PHF21A: variants seen among roughly 807,000 people sequenced by gnomAD.
PHF21A encodes PHD finger protein 21A.
Under a neutral mutation model 82.5 loss-of-function variants are expected in PHF21A, and 11 were observed. That is an observed-to-expected ratio of 0.13 (90% confidence interval 0.08 to 0.22). PHF21A has a LOEUF of 0.22. Among genes scored for constraint, PHF21A ranks in the 10% least tolerant of loss-of-function variants. PHF21A has a pLI of 1.00. For synonymous variants in PHF21A, 297 were observed against 302.8 expected (o/e 0.98, Z 0.20); for missense variants, 579 against 837.8 (o/e 0.69, Z 3.81).
At chr11:45,971,470 C>T (rs2093737477) in intron 7 of PHF21A, 103 bp from the exon 8 acceptor site, 5 of 1,037,534 alleles carry the variant, frequency 4.8e-6, no homozygotes, top group African/African-American at 1.6e-5. Context: ...GAAAACAAAA[C>T]AATAATTCTC....
chr11:46,065,086 T>G (rs748917561), intron 6 of PHF21A, among the ~76,000 whole-genome samples: 1 of 152,192 alleles, frequency 6.6e-6, no homozygotes, highest in Non-Finnish European at 1.5e-5. Flanking sequence ...ATTGTTAACT[T>G]TCTTGAATAT....
chr11:46,019,992 CTT>C (rs368181546), intron 6 of PHF21A, among the ~76,000 whole-genome samples: 1 of 144,494 alleles, frequency 6.9e-6, no homozygotes, highest in Non-Finnish European at 1.5e-5. Context: ...CATTTTGACT[CTT>C]TTTTTTTTTA....
chr11:46,108,675 TAG>T (rs2097178731), intron 1 of PHF21A, among the ~76,000 whole-genome samples: 1 of 151,906 alleles, frequency 6.6e-6, no homozygotes, highest in Non-Finnish European at 1.5e-5. Context: ...TCTATATTGC[TAG>T]AATGACTTTC....
intron 1 of PHF21A, among the ~76,000 whole-genome samples, chr11:46,106,251 A>T (rs1488896714): frequency 6.6e-6 from 1 of 152,174 alleles, no homozygotes; most frequent in East Asian, 1.9e-4. Flanking sequence ...TTCAATGGTC[A>T]TTATTTCTTT....
intron 1 of PHF21A, among the ~76,000 whole-genome samples, chr11:46,101,784 T>C (rs757404448): frequency 2.6e-5 from 4 of 151,492 alleles, no homozygotes; most frequent in Admixed American, 2.6e-4. Context: ...TACAGGCACA[T>C]GCCACCACAC....
chr11:46,084,366 T>A, intron 3 of PHF21A, 64 bp from the exon 4 acceptor site: 2 of 534,428 alleles, frequency 3.7e-6, no homozygotes, highest in South Asian at 6.1e-5. Context: ...TTATGTTAAA[T>A]AAATTATGTT....
At chr11:46,002,835 GA>G (rs1322822400) in intron 6 of PHF21A, among the ~76,000 whole-genome samples, 2 of 149,778 alleles carry the variant, frequency 1.3e-5, no homozygotes, top group African/African-American at 2.4e-5. Flanking sequence ...AATTTGTAAT[GA>G]AAAAAAAAGT....
intron 6 of PHF21A, among the ~76,000 whole-genome samples, chr11:45,998,086 T>G (rs1446329766): frequency 6.6e-6 from 1 of 152,208 alleles, no homozygotes; most frequent in Non-Finnish European, 1.5e-5. Context: ...GGAGAGAGGC[T>G]AAAAAGATTA....
chr11:46,012,508 C>A (rs1020628073), intron 6 of PHF21A, among the ~76,000 whole-genome samples: 1 of 152,204 alleles, frequency 6.6e-6, no homozygotes, highest in African/African-American at 2.4e-5. Flanking sequence ...GCCCTCATCA[C>A]TAGCTATTTG....
At chr11:46,043,391 A>G (rs2096191917) in intron 6 of PHF21A, among the ~76,000 whole-genome samples, 3 of 152,196 alleles carry the variant, frequency 2.0e-5, no homozygotes, top group African/African-American at 7.2e-5. Context: ...ACCTTTATCA[A>G]TACAAGGTTT....
At chr11:45,973,437 C>T (rs1472003551) in intron 7 of PHF21A, among the ~76,000 whole-genome samples, 2 of 152,208 alleles carry the variant, frequency 1.3e-5, no homozygotes, top group East Asian at 1.9e-4. Context: ...TGCGCATATA[C>T]ACATATTATC....
In PHF21A at chr11:45,935,741, TAAAA is replaced by T. The variant is rs35995547; in HGVS notation, c.1685-6_1685-3del. ...ACTTCTGTTTCTCTTCTTCTTTTGC[TAAAA>T]AAAAAAAAAAAAAAAAAAAGGAACG... On this transcript the variant is annotated splice_region_variant and splice_polypyrimidine_tract_variant and intron_variant, in intron 17 of 18. Transcript: ENST00000676320. 0.039 allele frequency: 19,812 copies of T among 510,102 alleles called. No homozygotes were observed. The highest frequency in any genetic ancestry group is 0.045 in the East Asian group (1,276 of 28,518). The allele number at this position is 510,102 out of a possible 1,614,324, so 31.6% of individuals were successfully genotyped here. A position where few individuals can be genotyped will look rare whatever the true frequency, so the allele number is the denominator to read the frequency against.
chr11:46,046,384 C>A (rs1317463877), intron 6 of PHF21A, among the ~76,000 whole-genome samples: 1 of 152,150 alleles, frequency 6.6e-6, no homozygotes, highest in Non-Finnish European at 1.5e-5. Context: ...AATGAGAGAT[C>A]AATATGGCAA....
At chr11:45,988,621 GCT>G (rs1314504239) in intron 6 of PHF21A, among the ~76,000 whole-genome samples, 1 of 152,148 alleles carries the variant, frequency 6.6e-6, no homozygotes, top group African/African-American at 2.4e-5. Flanking sequence ...AGGCGTGGTG[GCT>G]CACCCCTGTA....
intron 6 of PHF21A, among the ~76,000 whole-genome samples, chr11:45,985,741 A>G (rs1471850311): frequency 6.6e-6 from 1 of 152,174 alleles, no homozygotes; most frequent in Non-Finnish European, 1.5e-5. Context: ...AAAAGTACAT[A>G]TCCTTTTAAA....
chr11:45,981,940 CTTTTTTT>C (rs754937092), intron 6 of PHF21A, among the ~76,000 whole-genome samples: 173 of 78,296 alleles, frequency 2.2e-3, no homozygotes, highest in African/African-American at 3.4e-3. Context: ...TTTTGTTTTT[CTTTTTTT>C]TTTTTTTTTT....
At chr11:45,962,398 C>T (rs2093147207) in intron 10 of PHF21A, among the ~76,000 whole-genome samples, 1 of 151,888 alleles carries the variant, frequency 6.6e-6, no homozygotes, top group Non-Finnish European at 1.5e-5. Flanking sequence ...CTCTTACTGG[C>T]TATAAATGTG....
intron 3 of PHF21A, among the ~76,000 whole-genome samples, chr11:46,087,601 T>A (rs2096871800): frequency 6.6e-6 from 1 of 152,208 alleles, no homozygotes; most frequent in Non-Finnish European, 1.5e-5. Context: ...AAGAGACTGG[T>A]CTGTGCGGAA....
intron 15 of PHF21A, 108 bp from the exon 16 acceptor site, chr11:45,938,420 C>G (rs552436316): frequency 1.2e-6 from 1 of 852,856 alleles, no homozygotes; most frequent in African/African-American, 1.7e-5. Context: ...TCAGCTGCCT[C>G]GTTCCAGGAG....
Sources: allele counts gnomAD v4.1 joint callset (sites outside exome capture counted in the v4.1 genomes callset), GRCh38; gene constraint gnomAD v4.1.1; transcripts MANE v1.5; gene names NCBI Gene and HGNC (gene_info 2026-07-23, HGNC 2026-07-21).